The following MAP2 variants were observed in gnomAD, a reference collection of about 807,000 sequenced individuals.
The protein encoded by MAP2 is microtubule associated protein 2.
Under a neutral mutation model 137.6 loss-of-function variants are expected in MAP2, and 14 were observed. That is an observed-to-expected ratio of 0.10 (90% CI 0.07 to 0.16). The LOEUF (loss-of-function observed/expected upper bound fraction) is 0.16, where lower values mean the gene tolerates loss of function less well. Among genes scored for constraint, MAP2 ranks in the 10% least tolerant of loss-of-function variants. The probability of loss-of-function intolerance (pLI) is 1.00; values close to 1 mark genes in which losing one functional copy is unlikely to be tolerated. For missense variants in MAP2, 2,088 were observed against 2,191.5 expected (o/e 0.95, Z 0.94); for synonymous variants, 786 against 782.3 (o/e 1.00, Z -0.08).
At chr2:209,532,777 A>G (rs561078281) in intron 2 of MAP2, among the ~76,000 whole-genome samples, 1 of 152,336 alleles carries the variant, frequency 6.6e-6, no homozygotes, top group South Asian at 2.1e-4. Context: ...CTAGTTGTAC[A>G]GGCTATTTGC....
At chr2:209,431,103 A>G (rs149366628) in intron 1 of MAP2, among the ~76,000 whole-genome samples, 317 of 152,298 alleles carry the variant, frequency 2.1e-3, no homozygotes, top group African/African-American at 6.5e-3. Context: ...AGAGTGGTCA[A>G]TATCAAAACT....
chr2:209,513,775 A>C (rs1256085838), intron 2 of MAP2, among the ~76,000 whole-genome samples: 1 of 152,022 alleles, frequency 6.6e-6, no homozygotes. Context: ...GCAATTCTGG[A>C]AGCACGTATC....
intron 2 of MAP2, among the ~76,000 whole-genome samples, chr2:209,577,549 T>C (rs2075551731): frequency 6.6e-6 from 1 of 152,150 alleles, no homozygotes; most frequent in Admixed American, 6.5e-5. Flanking sequence ...TTAGAAAGAT[T>C]TTAAGAAATT....
intron 13 of MAP2, among the ~76,000 whole-genome samples, chr2:209,717,215 G>C (rs1429310352): frequency 6.6e-6 from 1 of 152,156 alleles, no homozygotes; most frequent in Non-Finnish European, 1.5e-5. Context: ...GCGCATGACT[G>C]AGAGGCCTGA....
At chr2:209,660,701 AATTATTATTATTATTATTATTATTATT>A (rs562421271) in intron 5 of MAP2, among the ~76,000 whole-genome samples, 1 of 104,440 alleles carries the variant, frequency 9.6e-6, no homozygotes, top group Non-Finnish European at 1.9e-5. Context: ...GGCCTGCTGC[AATTATTATTATTATTATTATTATTATT>A]ATTATTATTA....
intron 2 of MAP2, among the ~76,000 whole-genome samples, chr2:209,567,677 G>GA (rs575467247): frequency 3.5e-4 from 52 of 149,002 alleles, no homozygotes; most frequent in African/African-American, 1.1e-3. Flanking sequence ...GTAGCAAAAG[G>GA]AAAAAAAAAG....
At chr2:209,454,811 T>A (rs1381447488) in intron 1 of MAP2, among the ~76,000 whole-genome samples, 3 of 152,214 alleles carry the variant, frequency 2.0e-5, no homozygotes, top group Non-Finnish European at 4.4e-5. Flanking sequence ...TGTGTGTGTG[T>A]GTAATCATTT....
In MAP2 at chr2:209,528,098, T is replaced by TC. The variant is rs71736262; in HGVS notation, c.-172+20464dup. Among the ~76,000 whole-genome samples the TC allele has an allele frequency of 9.0e-5, 13 of 144,758 alleles. No individual in the cohort carries two copies. The East Asian group carries it at 1.2e-3, about 13-fold the overall frequency. The allele number at this position is 144,758 out of a possible 152,430, so 95.0% of individuals were successfully genotyped here. A position where few individuals can be genotyped will look rare whatever the true frequency, so the allele number is the denominator to read the frequency against. On this transcript the variant is annotated intron_variant, in intron 2 of 15. Coordinates refer to ENST00000682079, the MANE Select transcript of MAP2 (RefSeq NM_001375505.1). Reference sequence around the variant, plus strand: ...GAATCTTGCAAGGTAGAAGCCATCTTCCCCCCCTGCCCACCCCAGAAAATA... The same window carrying TC: ...GAATCTTGCAAGGTAGAAGCCATCTTCCCCCCCCTGCCCACCCCAGAAAATA...
chr2:209,640,650 A>G (rs2093948517), intron 4 of MAP2, among the ~76,000 whole-genome samples: 1 of 152,166 alleles, frequency 6.6e-6, no homozygotes, highest in African/African-American at 2.4e-5. Flanking sequence ...AGCTTTAGTC[A>G]GATGGCTTGC....
intron 1 of MAP2, among the ~76,000 whole-genome samples, chr2:209,474,072 G>A (rs1231564814): frequency 1.3e-5 from 2 of 152,072 alleles, no homozygotes; most frequent in African/African-American, 4.8e-5. Context: ...ACATTGAACC[G>A]ATCTGAGGAG....
Position 209,730,380 on chromosome 2 carries a change from G to A in MAP2, c.5467G>A (p.Ala1823Thr), listed in dbSNP as rs906908980. Residue 1823 changes from alanine (A) to threonine (T), a missense_variant, in exon 16 of 16, where the codon GCT becomes ACT. Ala to Thr is a moderately conservative substitution (Grantham distance 58). This residue lies in a region of MAP2 where 112 missense variants were observed against 201.0 expected (regional missense o/e 0.56). Coordinates refer to ENST00000682079, the MANE Select transcript of MAP2 (RefSeq NM_001375505.1). ...TLAEDVTAAL[A>T]KQGL ...GGCTGAGGATGTCACTGCTGCACTC[G>A]CTAAGCAGGGCTTGTGAATATTTCT... 4 of 1,613,214 alleles carry A rather than the reference G, an allele frequency of 2.5e-6. No homozygotes were observed. The highest frequency in any genetic ancestry group is 1.7e-5 in the Admixed American group (1 of 59,922).
Position 209,502,252 on chromosome 2 carries a change from G to T in MAP2, c.-221-5340G>T, listed in dbSNP as rs190848498. Among the ~76,000 whole-genome samples the T allele has an allele frequency of 3.6e-4, 55 of 151,884 alleles. 1 individual carries two copies. Among genetic ancestry groups the T allele is most frequent in the African/African-American group, 1.3e-3 (54 of 41,412 alleles). ...CTTTTGGCTAACATGTCCTCATTTC[G>T]CCAACCTCCCCACCTCCAGATAACC... On this transcript the variant is annotated intron_variant, in intron 1 of 15. Transcript: ENST00000682079.
At chr2:209,724,660 T>C (rs1421700252) in intron 13 of MAP2, among the ~76,000 whole-genome samples, 1 of 152,184 alleles carries the variant, frequency 6.6e-6, no homozygotes, top group African/African-American at 2.4e-5. Flanking sequence ...GTAGCTTCAC[T>C]GAGCATAAAA....
intron 1 of MAP2, among the ~76,000 whole-genome samples, chr2:209,484,189 G>A (rs896851185): frequency 2.6e-5 from 4 of 152,200 alleles, no homozygotes; most frequent in Non-Finnish European, 5.9e-5. Context: ...GGCCATTTGT[G>A]TTGACTTAGT....
Position 209,696,151 on chromosome 2 carries a change from T to G in MAP2, c.3981T>G (p.Asp1327Glu). 2 of 1,612,766 alleles carry G rather than the reference T, an allele frequency of 1.2e-6. No homozygotes were observed. Among genetic ancestry groups the G allele is most frequent in the African/African-American group, 1.3e-5 (1 of 74,898 alleles). ...PEVERRPSPH[D>E]EEEFEVEEAA... ...TGGAAAGGAGACCATCTCCTCATGA[T>G]GAAGAAGAGTTTGAAGTAGAAGAGG... is the stretch of plus-strand genomic sequence containing the variant. The change falls in exon 8 of 16, where the codon GAT becomes GAG. Residue 1327 changes from aspartate to glutamate, a missense_variant. Physicochemically the swap from Asp to Glu is conservative, Grantham distance 45. This residue lies in a region of MAP2 where 591 missense variants were observed against 642.6 expected (regional missense o/e 0.92). Coordinates refer to ENST00000682079, the MANE Select transcript of MAP2 (RefSeq NM_001375505.1).
intron 1 of MAP2, among the ~76,000 whole-genome samples, chr2:209,431,302 A>AG (rs1694212413): frequency 1.3e-5 from 2 of 152,196 alleles, no homozygotes; most frequent in Admixed American, 6.5e-5. Context: ...GTAATGGAAT[A>AG]ACTTTTTGTA....
chr2:209,717,474 C>T (rs74464942), intron 13 of MAP2, among the ~76,000 whole-genome samples: 2,496 of 152,218 alleles, frequency 0.016, 67 homozygotes, highest in African/African-American at 0.057. Context: ...TTGTTACCCT[C>T]GGATTATTTG....
At chr2:209,639,025 A>G (rs529144166) in intron 4 of MAP2, among the ~76,000 whole-genome samples, 86 of 152,300 alleles carry the variant, frequency 5.6e-4, no homozygotes, top group African/African-American at 1.9e-3. Context: ...GCTTTCTAGT[A>G]TATAATTCAG....
chr2:209,531,448 A>C (rs1181524114), intron 2 of MAP2, among the ~76,000 whole-genome samples: 2 of 152,332 alleles, frequency 1.3e-5, no homozygotes, highest in South Asian at 4.1e-4. Context: ...GAGAAAATAC[A>C]AACACTTTTT....
Sources: allele counts gnomAD v4.1 joint callset (sites outside exome capture counted in the v4.1 genomes callset), GRCh38; gene constraint gnomAD v4.1.1; regional missense constraint gnomAD v4.1.1; transcripts MANE v1.5; gene names NCBI Gene and HGNC (gene_info 2026-07-23, HGNC 2026-07-21).